FRMD6: variants seen among roughly 807,000 people sequenced by gnomAD.
FRMD6 encodes the protein FERM domain-containing protein 6.
FRMD6 carries 37 observed loss-of-function variants against 73.2 expected under a neutral mutation model. The observed-to-expected ratio is 0.51, with a 90% CI of 0.39 to 0.66. The LOEUF (loss-of-function observed/expected upper bound fraction) is 0.66. Ranked by LOEUF, FRMD6 falls within the 30% of genes least tolerant of loss-of-function variation. FRMD6 has a pLI of 0.00. For synonymous variants in FRMD6, 273 were observed against 282.2 expected (o/e 0.97, Z 0.33); for missense variants, 714 against 780.5 (o/e 0.91, Z 1.02).
chr14:51,566,928 C>T (rs1309607904), intron 1 of FRMD6, among the ~76,000 whole-genome samples: 1 of 152,118 alleles, frequency 6.6e-6, no homozygotes, highest in African/African-American at 2.4e-5. Context: ...TGTCACAGGC[C>T]CCCTATGCAG....
At chr14:51,686,590 G>T (rs1473490106) in intron 1 of FRMD6, among the ~76,000 whole-genome samples, 1 of 152,070 alleles carries the variant, frequency 6.6e-6, no homozygotes, top group East Asian at 1.9e-4. Flanking sequence ...GCTGGGTGGG[G>T]TTTGATCACT....
At chr14:51,503,376 T>C (rs1883731915) in intron 1 of FRMD6, among the ~76,000 whole-genome samples, 1 of 152,192 alleles carries the variant, frequency 6.6e-6, no homozygotes, top group South Asian at 2.1e-4. Context: ...GTTCCTTCAA[T>C]ACCTAGTTTA....
intron 1 of FRMD6, among the ~76,000 whole-genome samples, chr14:51,523,355 G>A (rs1313157955): frequency 6.6e-6 from 1 of 152,170 alleles, no homozygotes; most frequent in African/African-American, 2.4e-5. Context: ...AAGGTGCCTT[G>A]GTGGGGCAAG....
At chr14:51,635,201 A>G (rs972390626) in intron 2 of FRMD6, among the ~76,000 whole-genome samples, 2 of 152,190 alleles carry the variant, frequency 1.3e-5, no homozygotes, top group South Asian at 2.1e-4. Flanking sequence ...TGGGAAACAC[A>G]GTGAGACTCC....
intron 1 of FRMD6, among the ~76,000 whole-genome samples, chr14:51,569,083 T>A (rs983972831): frequency 4.6e-5 from 7 of 152,066 alleles, no homozygotes; most frequent in Admixed American, 4.6e-4. Context: ...TGACCTCAGG[T>A]GATCCCCCGA....
intron 1 of FRMD6, among the ~76,000 whole-genome samples, chr14:51,687,931 G>T (rs1298313520): frequency 6.6e-6 from 1 of 151,988 alleles, no homozygotes; most frequent in Non-Finnish European, 1.5e-5. Context: ...AAGTAAAGTG[G>T]TGGTTTCCAT....
the FRMD6 span, among the ~76,000 whole-genome samples, chr14:51,435,080 A>G: frequency 6.6e-6 from 1 of 152,238 alleles, no homozygotes; most frequent in African/African-American, 2.4e-5. Context: ...GGATCGTACC[A>G]GTAAAAAAGA....
intron 2 of FRMD6, among the ~76,000 whole-genome samples, chr14:51,632,226 C>A (rs950821118): frequency 6.6e-6 from 1 of 152,218 alleles, no homozygotes; most frequent in Non-Finnish European, 1.5e-5. Context: ...CCCAGCCATG[C>A]TGAACTTTGA....
At chr14:51,517,015 T>A (rs1311489127) in intron 1 of FRMD6, among the ~76,000 whole-genome samples, 1 of 152,232 alleles carries the variant, frequency 6.6e-6, no homozygotes, top group Admixed American at 6.5e-5. Context: ...GCCTCCAAAT[T>A]GTAATGTCAT....
At chr14:51,632,536 T>G (rs530353080) in intron 2 of FRMD6, among the ~76,000 whole-genome samples, 5 of 152,290 alleles carry the variant, frequency 3.3e-5, no homozygotes, top group African/African-American at 7.2e-5. Flanking sequence ...TTTAAAACAT[T>G]TTGGGGAAAG....
intron 2 of FRMD6, chr14:51,643,355 T>C (rs1446649393): frequency 6.6e-6 from 1 of 152,194 alleles, no homozygotes; most frequent in Admixed American, 6.5e-5. Flanking sequence ...CAGGCAGGGA[T>C]GAATAAAAAG....
the FRMD6 span, among the ~76,000 whole-genome samples, chr14:51,458,370 T>G: frequency 6.6e-6 from 1 of 152,204 alleles, no homozygotes; most frequent in Admixed American, 6.5e-5. Context: ...CCTGATAGCA[T>G]GTTCACAGCT....
intron 1 of FRMD6, chr14:51,491,277 A>G (rs1258648203): frequency 6.6e-6 from 1 of 152,286 alleles, no homozygotes; most frequent in Non-Finnish European, 1.5e-5. Flanking sequence ...TGATAGATGT[A>G]AAGGTCACCT....
rs888660232 is a variant in FRMD6 at position 51,542,585 on chromosome 14, G to A, written c.-209-27763G>A. ...TGTCTATTGTGAATAGTGCTTCTAT[G>A]AACATTTGTGTACAAGTTTCTGTTT... On this transcript the variant is annotated intron_variant, in intron 1 of 14. Coordinates refer to the FRMD6 transcript ENST00000356218. Among the ~76,000 whole-genome samples, 3 of 151,982 alleles carry A rather than the reference G, an allele frequency of 2.0e-5. 1 individual carries two copies. The highest frequency in any genetic ancestry group is 4.1e-4 in the South Asian group (2 of 4,820).
intron 2 of FRMD6, among the ~76,000 whole-genome samples, chr14:51,588,737 C>T (rs372028296): frequency 3.3e-5 from 5 of 152,202 alleles, no homozygotes; most frequent in East Asian, 1.9e-4. Context: ...ATAATTCTGG[C>T]GAACTTAAAC....
intron 1 of FRMD6, among the ~76,000 whole-genome samples, chr14:51,535,905 G>C (rs2140350120): frequency 6.6e-6 from 1 of 151,492 alleles, no homozygotes; most frequent in East Asian, 1.9e-4. Context: ...ATATGAAGTG[G>C]GTCTGATTTG....
chr14:51,589,473 T>C (rs898337106), intron 2 of FRMD6, among the ~76,000 whole-genome samples: 3 of 152,078 alleles, frequency 2.0e-5, no homozygotes, highest in African/African-American at 7.2e-5. Flanking sequence ...CAGATCTGCT[T>C]GGGTTGAAGA....
the FRMD6 span, among the ~76,000 whole-genome samples, chr14:51,412,992 T>G: frequency 5.9e-5 from 3 of 50,570 alleles, no homozygotes; most frequent in Non-Finnish European, 1.7e-4. Flanking sequence ...ATAGTTAAAT[T>G]TTTTTTTTTT....
At chr14:51,439,097 C>A in the FRMD6 span, among the ~76,000 whole-genome samples, 1 of 152,140 alleles carries the variant, frequency 6.6e-6, no homozygotes, top group Non-Finnish European at 1.5e-5. Context: ...AAATTAAATG[C>A]CACTTTTTCA....
Sources: gnomAD v4.1 joint callset for allele counts (sites outside exome capture counted in the v4.1 genomes callset) on GRCh38, gnomAD v4.1.1 for gene constraint, MANE v1.5 for transcripts, NCBI Gene and HGNC (gene_info 2026-07-23, HGNC 2026-07-21) for gene names.